Variants in FBXW7 observed in about 807,000 individuals in gnomAD.
The protein encoded by FBXW7 is F-box and WD repeat domain containing 7, also known as F-box/WD repeat-containing protein 7.
A neutral mutation model predicts 86.3 loss-of-function variants in FBXW7; 11 were observed. The ratio of observed to expected loss-of-function variants is 0.13; its 90% CI spans 0.08 to 0.21. The LOEUF (loss-of-function observed/expected upper bound fraction) is 0.21. FBXW7 is among the 10% of genes least tolerant of loss of function. FBXW7 has a pLI of 1.00. For missense variants in FBXW7, 488 were observed against 847.4 expected, an observed-to-expected ratio of 0.58 and a Z score of 5.27; for synonymous variants, 313 against 297.9, an observed-to-expected ratio of 1.05 and a Z score of -0.52.
At chr4:152,485,916 T>C (rs1745294625) in intron 2 of FBXW7, among the ~76,000 whole-genome samples, 1 of 152,164 alleles carries the variant, frequency 6.6e-6, no homozygotes, top group South Asian at 2.1e-4. Flanking sequence ...GGATATCTTC[T>C]GAGAAATGTG....
At chr4:152,534,256 T>TA (rs1301796554) in intron 2 of FBXW7, among the ~76,000 whole-genome samples, 1,562 of 133,962 alleles carry the variant, frequency 0.012, 12 homozygotes, top group Non-Finnish European at 0.018. Flanking sequence ...TTTGTTACTC[T>TA]AAAAAAAAAA....
chr4:152,371,054 A>G (rs1733964221), intron 4 of FBXW7, among the ~76,000 whole-genome samples: 1 of 151,948 alleles, frequency 6.6e-6, no homozygotes, highest in African/African-American at 2.4e-5. Flanking sequence ...GAAATAACTG[A>G]ATTGAAACTG....
chr4:152,495,012 A>T (rs1277204635), intron 2 of FBXW7, among the ~76,000 whole-genome samples: 2 of 152,334 alleles, frequency 1.3e-5, no homozygotes, highest in East Asian at 3.9e-4. Flanking sequence ...GAGTTCCTAA[A>T]TAATGTGAAA....
In FBXW7 at chr4:152,332,660, T is replaced by A; in HGVS notation, c.921A>T (p.Thr307=). 2.5e-6 allele frequency: 4 copies of A among 1,606,072 alleles called. No homozygotes were observed. The highest frequency in any genetic ancestry group is 3.4e-6 in the Non-Finnish European group (4 of 1,174,850). The part of the protein sequence containing the change: ...EPKDLLQAAQ[T]CRYWRILAED... Reference sequence around the variant, plus strand: ...CAGCCAAAATTCTCCAGTAGCGACATGTCTGAGCTGCTTGTAGCAGGTCTT... The same window carrying A: ...CAGCCAAAATTCTCCAGTAGCGACAAGTCTGAGCTGCTTGTAGCAGGTCTT... The change falls in exon 8 of 14, where the codon ACA becomes ACT. Residue 307 remains threonine, a synonymous_variant. Transcript: ENST00000281708.
intron 2 of FBXW7, among the ~76,000 whole-genome samples, chr4:152,469,016 G>A (rs1439110940): frequency 6.6e-6 from 1 of 151,834 alleles, no homozygotes; most frequent in Non-Finnish European, 1.5e-5. Flanking sequence ...TATAACTGTT[G>A]AACATTTAGG....
chr4:152,443,612 T>C (rs754071305), intron 2 of FBXW7, among the ~76,000 whole-genome samples: 15 of 151,956 alleles, frequency 9.9e-5, no homozygotes, highest in Non-Finnish European at 1.9e-4. Context: ...TTAAAAACTT[T>C]GAAAATTGAT....
At chr4:152,399,949 G>C (rs1736767740) in intron 4 of FBXW7, among the ~76,000 whole-genome samples, 1 of 152,122 alleles carries the variant, frequency 6.6e-6, no homozygotes, top group Non-Finnish European at 1.5e-5. Flanking sequence ...TCAACGAACT[G>C]ATTCTAAAAC....
At chr4:152,510,986 C>T (rs1021317497) in intron 2 of FBXW7, among the ~76,000 whole-genome samples, 20 of 151,894 alleles carry the variant, frequency 1.3e-4, no homozygotes, top group Non-Finnish European at 1.5e-5. Context: ...TTCTGTCACC[C>T]AGGCTAGAGT....
chr4:152,507,130 G>A (rs1218273436), intron 2 of FBXW7, among the ~76,000 whole-genome samples: 2 of 152,100 alleles, frequency 1.3e-5, no homozygotes, highest in African/African-American at 4.8e-5. Flanking sequence ...GAAATTAAAT[G>A]ATCAGAAAAG....
Position 152,464,866 on chromosome 4 carries a change from T to C in FBXW7, c.-119-52337A>G, listed in dbSNP as rs183201145. Among the ~76,000 whole-genome samples the C allele has an allele frequency of 2.3e-3, 357 of 152,346 alleles. 1 individual carries two copies. The highest frequency in any genetic ancestry group is 3.8e-3 in the Non-Finnish European group (257 of 68,020). On this transcript the variant is annotated intron_variant, in intron 2 of 13. Transcript: ENST00000281708. The stretch of plus-strand genomic sequence containing the variant: ...GAAATATTCTCTGCAATGATGTGAT[T>C]ACTGCAATAACTTTATTGGAAGAAA...
At chr4:152,371,998 T>C (rs1440916795) in intron 4 of FBXW7, among the ~76,000 whole-genome samples, 12 of 151,884 alleles carry the variant, frequency 7.9e-5, no homozygotes, top group Non-Finnish European at 2.9e-5. Flanking sequence ...CAGATTAAAA[T>C]TAATTTTGTG....
intron 2 of FBXW7, among the ~76,000 whole-genome samples, chr4:152,511,616 A>T (rs1747985994): frequency 6.6e-6 from 1 of 152,148 alleles, no homozygotes; most frequent in African/African-American, 2.4e-5. Context: ...CCTGGAAACA[A>T]CCTAAATGTC....
chr4:152,498,303 A>AC (rs1746566257), intron 2 of FBXW7, among the ~76,000 whole-genome samples: 1 of 151,892 alleles, frequency 6.6e-6, no homozygotes, highest in South Asian at 2.1e-4. Context: ...GGCAAAAAAA[A>AC]ACTCATAAAA....
At chr4:152,534,564 G>A (rs989036387) in intron 2 of FBXW7, among the ~76,000 whole-genome samples, 1 of 152,128 alleles carries the variant, frequency 6.6e-6, no homozygotes. Context: ...CTATATGAGA[G>A]TACCCCCGAA....
At chr4:152,522,718 T>C (rs1273575669) in intron 2 of FBXW7, among the ~76,000 whole-genome samples, 1 of 152,234 alleles carries the variant, frequency 6.6e-6, no homozygotes, top group African/African-American at 2.4e-5. Context: ...TATAGATTGT[T>C]ATATACTAAG....
chr4:152,393,633 G>A (rs961495194), intron 4 of FBXW7, among the ~76,000 whole-genome samples: 3 of 152,032 alleles, frequency 2.0e-5, no homozygotes, highest in African/African-American at 7.2e-5. Flanking sequence ...TATATTAATA[G>A]AACCAACATC....
At chr4:152,409,969 G>A (rs1305937308) in intron 4 of FBXW7, among the ~76,000 whole-genome samples, 1 of 152,112 alleles carries the variant, frequency 6.6e-6, no homozygotes, top group Non-Finnish European at 1.5e-5. Context: ...CATCTTGAAG[G>A]TAAAGAAAAG....
intron 2 of FBXW7, among the ~76,000 whole-genome samples, chr4:152,474,703 G>A (rs189620077): frequency 6.6e-6 from 1 of 152,072 alleles, no homozygotes. Context: ...GAGTCTCACT[G>A]TTGCCAGGCT....
At chr4:152,353,891 G>C (rs1439304846) in intron 4 of FBXW7, among the ~76,000 whole-genome samples, 3 of 152,054 alleles carry the variant, frequency 2.0e-5, no homozygotes, top group Admixed American at 2.0e-4. Context: ...CTCCCCATTA[G>C]TGTTCTTTAT....
Sources: gnomAD v4.1 joint callset for allele counts (sites outside exome capture counted in the v4.1 genomes callset) on GRCh38, gnomAD v4.1.1 for gene constraint, MANE v1.5 for transcripts, NCBI Gene and HGNC (gene_info 2026-07-23, HGNC 2026-07-21) for gene names.